Variants in ANKRD30A observed in about 807,000 individuals in gnomAD.
ANKRD30A encodes ankyrin repeat domain 30A.
In ANKRD30A, 170 loss-of-function variants were observed where a neutral mutation model predicts 166.3. The observed-to-expected ratio is 1.02, with a 90% CI of 0.90 to 1.16. The LOEUF is 1.16. ANKRD30A is among the 50% of genes most tolerant of loss of function. The pLI is 0.00. For synonymous variants in ANKRD30A, 564 were observed against 508.9 expected (o/e 1.11, Z -1.46); for missense variants, 1,630 against 1,518.0 (o/e 1.07, Z -1.23).
Position 37,130,195 on chromosome 10 carries a change from A to C in ANKRD30A, c.337-10A>C. ...ACAGTTTACAATAATTCTTGCTTTAATACTGACAGGCTCTACAATGCCATC... is the reference window on the plus strand; with the variant it reads ...ACAGTTTACAATAATTCTTGCTTTACTACTGACAGGCTCTACAATGCCATC... On this transcript the variant is annotated splice_polypyrimidine_tract_variant and intron_variant, in intron 2 of 35. Coordinates refer to ENST00000361713, the MANE Select transcript of ANKRD30A (RefSeq NM_052997.3). 6.4e-7 allele frequency: 1 copy of C among 1,559,880 alleles called. No individual in the cohort carries two copies. The highest frequency in any genetic ancestry group is 8.6e-7 in the Non-Finnish European group (1 of 1,156,270).
rs530646289 is a variant in ANKRD30A at position 37,137,585 on chromosome 10, C to T, written c.820+914C>T. Among the ~76,000 whole-genome samples the T allele has an allele frequency of 1.9e-4, 29 of 152,190 alleles. 1 individual carries two copies. The highest frequency in any genetic ancestry group is 6.5e-4 in the Admixed American group (10 of 15,284). On this transcript the variant is annotated intron_variant, in intron 6 of 35. Transcript: ENST00000361713. ...GCACACCAGGAGATTATATCCCGAG[C>T]ATGGCTCAGAGGGTCCTACCCCCAT... is the stretch of plus-strand genomic sequence containing the variant.
At chr10:37,195,593 A>T (rs559633747) in intron 27 of ANKRD30A, among the ~76,000 whole-genome samples, 70 of 152,286 alleles carry the variant, frequency 4.6e-4, no homozygotes, top group Middle Eastern at 3.4e-3. Context: ...ATAGTTACAC[A>T]TATTTATTTA....
At position 37,130,291 on chromosome 10, in the gene ANKRD30A, G is replaced by T. The variant is rs751317438; in HGVS notation, c.423G>T (p.Thr141=). 1 of 1,605,022 alleles carries T rather than the reference G, an allele frequency of 6.2e-7. No individual in the cohort carries two copies. Among genetic ancestry groups the T allele is most frequent in the East Asian group, 2.3e-5 (1 of 44,036 alleles). ...ATCTCGTAGATGTGTATGGCAACAC[G>T]GCTCTCCATTATGCTGTTTATAGTG... is the stretch of plus-strand genomic sequence containing the variant. ...DINLVDVYGN[T]ALHYAVYSEI... The change falls in exon 3 of 36, where the codon ACG becomes ACT. Residue 141 remains threonine (T), a synonymous_variant. Transcript: ENST00000361713.
intron 32 of ANKRD30A, among the ~76,000 whole-genome samples, chr10:37,217,307 CAGTT>C (rs1207008002): frequency 6.6e-6 from 1 of 150,848 alleles, no homozygotes; most frequent in Non-Finnish European, 1.5e-5. Flanking sequence ...AAAAAGTAAT[CAGTT>C]AACTTTAATC....
chr10:37,252,957 T>C, the ANKRD30A span, among the ~76,000 whole-genome samples: 31 of 152,348 alleles, frequency 2.0e-4, no homozygotes, highest in African/African-American at 6.0e-4. Flanking sequence ...TAATTTCTTT[T>C]AGTCTAAGAA....
the ANKRD30A span, among the ~76,000 whole-genome samples, chr10:37,244,396 T>A: frequency 1.0e-3 from 153 of 151,850 alleles, 1 homozygote; most frequent in Middle Eastern, 6.8e-3. Context: ...AAAAGAAGAG[T>A]CCCTGAAGAA....
At chr10:37,208,602 G>A (rs536979473) in intron 31 of ANKRD30A, among the ~76,000 whole-genome samples, 1 of 152,102 alleles carries the variant, frequency 6.6e-6, no homozygotes, top group East Asian at 1.9e-4. Flanking sequence ...GCAAATTGAG[G>A]GCCTTCTCAC....
At chr10:37,127,932 A>G (rs1188485898) in intron 1 of ANKRD30A, among the ~76,000 whole-genome samples, 1 of 152,164 alleles carries the variant, frequency 6.6e-6, no homozygotes, top group Non-Finnish European at 1.5e-5. Flanking sequence ...ATAATGAAAC[A>G]TACATGCAAT....
intron 29 of ANKRD30A, 34 bp from the exon 30 acceptor site, chr10:37,199,693 T>A (rs946397399): frequency 8.0e-6 from 11 of 1,381,618 alleles, no homozygotes; most frequent in Non-Finnish European, 1.1e-5. Context: ...AGAGAAATGT[T>A]CTCATGAATG....
At position 37,125,993 on chromosome 10, in the gene ANKRD30A, A is replaced by G; in HGVS notation, c.206A>G (p.Gln69Arg). Residue 69 changes from glutamine (Q) to arginine (R), a missense_variant, in exon 1 of 36, where the codon CAA becomes CGA. Physicochemically the swap from Gln to Arg is conservative, Grantham distance 43 (BLOSUM62 1). Coordinates refer to ENST00000361713, the MANE Select transcript of ANKRD30A (RefSeq NM_052997.3). The stretch of plus-strand genomic sequence containing the variant: ...AAGAAGACCATCAACCTTAATATAC[A>G]AGACGCCCAGAAGAGGTACCAGGCC... ...KRKKTINLNI[Q>R]DAQKRTALHW... is the part of the protein sequence containing the mutation. The G allele has an allele frequency of 6.2e-7, 1 of 1,611,210 alleles. No homozygotes were observed. The highest frequency in any genetic ancestry group is 2.2e-5 in the East Asian group (1 of 44,768).
chr10:37,130,145 TATA>T (rs1305934231), intron 2 of ANKRD30A, 57 bp from the exon 3 acceptor site: 153 of 1,166,220 alleles, frequency 1.3e-4, no homozygotes, highest in Non-Finnish European at 1.6e-4. Flanking sequence ...ATTTATAATT[TATA>T]ATAATTTATA....
rs1263007159 is a variant in ANKRD30A, at chr10:37,125,864, A to G, written c.77A>G (p.Tyr26Cys). The G allele has an allele frequency of 1.4e-6, 2 of 1,422,986 alleles. No individual in the cohort carries two copies. The highest frequency in any genetic ancestry group is 2.0e-6 in the Non-Finnish European group (2 of 1,017,208). 88.1% of individuals were successfully genotyped at this position (1,422,986 alleles called of 1,614,324 possible). A position where few individuals can be genotyped will look rare whatever the true frequency, so the allele number is the denominator to read the frequency against. ...CCGAGCCCTTTCAGCCAGCTAGTCT[A>G]TACCAGCAACGACTCCTACATCGTC... Reference protein sequence around the residue: ...ERPSPFSQLVYTSNDSYIVHS... With the variant: ...ERPSPFSQLVCTSNDSYIVHS... Residue 26 changes from tyrosine (Y) to cysteine (C), a missense_variant, in exon 1 of 36, where the codon TAT becomes TGT. Transcript: ENST00000361713.
At chr10:37,152,334 GC>G (rs1181002170) in intron 12 of ANKRD30A, among the ~76,000 whole-genome samples, 1 of 152,076 alleles carries the variant, frequency 6.6e-6, no homozygotes. Context: ...AATTTAAGAA[GC>G]CAAAGTGGTA....
At chr10:37,155,766 G>A (rs1234395334) in intron 13 of ANKRD30A, among the ~76,000 whole-genome samples, 24 of 152,016 alleles carry the variant, frequency 1.6e-4, no homozygotes, top group Admixed American at 6.6e-5. Context: ...TTTGTTCAGC[G>A]ATTAGCTTGT....
intron 15 of ANKRD30A, among the ~76,000 whole-genome samples, chr10:37,161,575 T>C (rs772750870): frequency 1.6e-4 from 25 of 152,280 alleles, no homozygotes; most frequent in Non-Finnish European, 2.8e-4. Flanking sequence ...TTGAGTGAAC[T>C]CACTTCAGTT....
intron 6 of ANKRD30A, among the ~76,000 whole-genome samples, chr10:37,140,541 C>T (rs1432785364): frequency 6.6e-6 from 1 of 152,120 alleles, no homozygotes; most frequent in Non-Finnish European, 1.5e-5. Flanking sequence ...ACTTCATTTC[C>T]TCCAAGTTGA....
At chr10:37,160,150 T>G (rs543551778) in intron 15 of ANKRD30A, among the ~76,000 whole-genome samples, 1 of 152,300 alleles carries the variant, frequency 6.6e-6, no homozygotes, top group South Asian at 2.1e-4. Flanking sequence ...CTAAAACACA[T>G]TTAATTAGAC....
chr10:37,156,993 G>T (rs1838431514), intron 13 of ANKRD30A, among the ~76,000 whole-genome samples: 1 of 152,058 alleles, frequency 6.6e-6, no homozygotes, highest in Non-Finnish European at 1.5e-5. Context: ...ATTGATCAAT[G>T]ATCTCTCAAG....
In ANKRD30A at chr10:37,217,698, G is replaced by C; in HGVS notation, c.3087G>C (p.Leu1029Phe). Reference protein sequence around the residue: ...KWEQELCSVRLTLNQEEEKRR... With the variant: ...KWEQELCSVRFTLNQEEEKRR... ...AGATAAGTATGTTTAATGGCAGATTGACTTTAAACCAAGAAGAAGAGAAGA... is the reference window on the plus strand; with the variant it reads ...AGATAAGTATGTTTAATGGCAGATTCACTTTAAACCAAGAAGAAGAGAAGA... Residue 1029 changes from leucine (L) to phenylalanine (F), a missense_variant, in exon 33 of 36, where the codon TTG becomes TTC. This residue lies in a region of ANKRD30A where 712 missense variants were observed against 629.3 expected (regional missense o/e 1.13). Coordinates refer to ENST00000361713, the MANE Select transcript of ANKRD30A (RefSeq NM_052997.3). 1 of 1,543,208 alleles carries C rather than the reference G, an allele frequency of 6.5e-7. No individual in the cohort carries two copies. Among genetic ancestry groups the C allele is most frequent in the African/African-American group, 1.4e-5 (1 of 70,464 alleles).
Sources: allele counts gnomAD v4.1 joint callset (sites outside exome capture counted in the v4.1 genomes callset), GRCh38; gene constraint gnomAD v4.1.1; regional missense constraint gnomAD v4.1.1; transcripts MANE v1.5; gene names NCBI Gene and HGNC (gene_info 2026-07-23, HGNC 2026-07-21).